Variants in P2RY12 observed in about 807,000 individuals in gnomAD.
The protein encoded by P2RY12 is P2Y purinoceptor 12.
In P2RY12, 3 loss-of-function variants were observed where a neutral mutation model predicts 4.5. That is an observed-to-expected ratio of 0.67 (90% CI 0.31 to 1.74). P2RY12 has a LOEUF of 1.74. Ranked by LOEUF, P2RY12 falls within the 40% of genes most tolerant of loss-of-function variation. The pLI is 0.09. For synonymous variants in P2RY12, 148 were observed against 154.1 expected, an observed-to-expected ratio of 0.96 and a Z score of 0.29; for missense variants, 356 against 407.8, an observed-to-expected ratio of 0.87 and a Z score of 1.09.
intron 1 of P2RY12, among the ~76,000 whole-genome samples, chr3:151,352,067 A>G (rs1231358330): frequency 6.6e-6 from 1 of 152,234 alleles, no homozygotes; most frequent in African/African-American, 2.4e-5. Flanking sequence ...ATAATGAGAA[A>G]TCTTGGGGAT....
chr3:151,353,243 A>G (rs967299503), intron 1 of P2RY12, among the ~76,000 whole-genome samples: 20 of 152,232 alleles, frequency 1.3e-4, no homozygotes, highest in Non-Finnish European at 2.2e-4. Context: ...CTTTTAAGGC[A>G]TTTTGTGCAC....
intron 1 of P2RY12, among the ~76,000 whole-genome samples, chr3:151,367,262 C>G (rs995931082): frequency 2.0e-5 from 3 of 152,146 alleles, no homozygotes; most frequent in African/African-American, 7.2e-5. Flanking sequence ...CTAGGGGGAG[C>G]CTCCTGGTTT....
chr3:151,355,700 A>T (rs935457125), intron 1 of P2RY12, among the ~76,000 whole-genome samples: 7 of 152,170 alleles, frequency 4.6e-5, no homozygotes, highest in Non-Finnish European at 1.0e-4. Flanking sequence ...AACTTTTTGT[A>T]TTTTTTAAAA....
chr3:151,369,651 T>C (rs984032868), intron 1 of P2RY12: 3 of 709,136 alleles, frequency 4.2e-6, no homozygotes, highest in Non-Finnish European at 6.7e-6. Flanking sequence ...GGAAACATGA[T>C]ACTGTTTGAT....
intron 1 of P2RY12, among the ~76,000 whole-genome samples, chr3:151,365,543 A>G (rs768519924): frequency 3.9e-5 from 6 of 152,236 alleles, no homozygotes; most frequent in Admixed American, 6.5e-5. Context: ...CATGATGTCT[A>G]TAAATTTTTT....
intron 1 of P2RY12, chr3:151,368,298 A>C: frequency 6.5e-7 from 1 of 1,528,210 alleles, no homozygotes; most frequent in Non-Finnish European, 9.1e-7. Flanking sequence ...TTGGTAGCTA[A>C]AGTTTCTAAA....
intron 1 of P2RY12, among the ~76,000 whole-genome samples, chr3:151,341,117 G>A (rs185239229): frequency 8.6e-4 from 131 of 152,200 alleles, no homozygotes; most frequent in African/African-American, 3.1e-3. Flanking sequence ...GAAATATATT[G>A]TGTACAACAC....
chr3:151,346,048 T>C (rs1274363461), intron 1 of P2RY12, among the ~76,000 whole-genome samples: 1 of 152,206 alleles, frequency 6.6e-6, no homozygotes, highest in Non-Finnish European at 1.5e-5. Context: ...GCTTTCAGTT[T>C]TATCCCTGCA....
intron 1 of P2RY12, among the ~76,000 whole-genome samples, chr3:151,382,458 A>T (rs1712551712): frequency 6.6e-6 from 1 of 152,164 alleles, no homozygotes. Flanking sequence ...TTCTTCCTCC[A>T]CCTAGAACGG....
At chr3:151,377,989 G>A in intron 1 of P2RY12, 1 of 1,577,092 alleles carries the variant, frequency 6.3e-7, no homozygotes, top group South Asian at 1.2e-5. Flanking sequence ...TTTCTCCGGT[G>A]TAACACCTGT....
intron 1 of P2RY12, among the ~76,000 whole-genome samples, chr3:151,378,541 G>A (rs949119375): frequency 6.6e-6 from 1 of 151,676 alleles, no homozygotes; most frequent in Admixed American, 6.6e-5. Context: ...TAAATATAAT[G>A]TATAATTCTG....
intron 1 of P2RY12, among the ~76,000 whole-genome samples, chr3:151,348,968 A>AT (rs1752906818): frequency 6.6e-6 from 1 of 152,240 alleles, no homozygotes; most frequent in African/African-American, 2.4e-5. Flanking sequence ...TTCTTTTCTC[A>AT]TATAAGCTCC....
chr3:151,352,424 A>T (rs1341617626), intron 1 of P2RY12, among the ~76,000 whole-genome samples: 2 of 152,160 alleles, frequency 1.3e-5, no homozygotes, highest in Admixed American at 6.5e-5. Context: ...GAAAGCTGTT[A>T]ATTTGGGATG....
At chr3:151,355,057 C>G in intron 1 of P2RY12, 1 of 1,146,084 alleles carries the variant, frequency 8.7e-7, no homozygotes, top group Non-Finnish European at 1.3e-6. Context: ...AAAAAAGTAT[C>G]CATTAAAAAT....
intron 1 of P2RY12, among the ~76,000 whole-genome samples, chr3:151,352,011 G>A (rs1365158794): frequency 6.6e-6 from 1 of 152,170 alleles, no homozygotes; most frequent in Non-Finnish European, 1.5e-5. Context: ...GGGACCAGAA[G>A]GGTTTTGGAT....
intron 1 of P2RY12, among the ~76,000 whole-genome samples, chr3:151,359,306 T>C (rs1390435016): frequency 1.3e-5 from 2 of 152,188 alleles, no homozygotes; most frequent in Non-Finnish European, 2.9e-5. Flanking sequence ...GTTTATATAG[T>C]TAACAGGTTG....
chr3:151,354,434 C>G (rs954253002), intron 1 of P2RY12, among the ~76,000 whole-genome samples: 6 of 151,778 alleles, frequency 4.0e-5, no homozygotes, highest in African/African-American at 1.5e-4. Flanking sequence ...TTTTTTGCCA[C>G]TATTAAAAAA....
At chr3:151,379,569 T>G (rs935998542) in intron 1 of P2RY12, among the ~76,000 whole-genome samples, 3 of 152,182 alleles carry the variant, frequency 2.0e-5, no homozygotes, top group African/African-American at 4.8e-5. Context: ...CGCCAGCAAG[T>G]ACACTGTTTT....
chr3:151,360,341 CTATT>C, intron 1 of P2RY12: 1 of 745,078 alleles, frequency 1.3e-6, no homozygotes, highest in South Asian at 2.1e-5. Context: ...ATTTACTATT[CTATT>C]TATTAGTTTC....
Sources: allele counts gnomAD v4.1 joint callset (sites outside exome capture counted in the v4.1 genomes callset), GRCh38; gene constraint gnomAD v4.1.1; transcripts MANE v1.5; gene names NCBI Gene and HGNC (gene_info 2026-07-23, HGNC 2026-07-21).